Variants in ARHGAP4 observed in about 807,000 individuals in gnomAD.
ARHGAP4 encodes the protein rho GTPase-activating protein 4.
Under a neutral mutation model 67.6 loss-of-function variants are expected in ARHGAP4, and 25 were observed. That is an observed-to-expected ratio of 0.37 (90% confidence interval 0.27 to 0.52). ARHGAP4 has a LOEUF of 0.52. Ranked by LOEUF, ARHGAP4 falls within the 20% of genes least tolerant of loss-of-function variation. The pLI is 0.92. For missense variants in ARHGAP4, 804 were observed against 854.6 expected (o/e 0.94, Z 0.74); for synonymous variants, 448 against 373.7 (o/e 1.20, Z -2.29).
At position 153,921,691 on chromosome X, in the gene ARHGAP4, T is replaced by C; in HGVS notation, c.186A>G (p.Glu62=). Residue 62 remains glutamate, a synonymous_variant, in exon 2 of 22, where the codon GAA becomes GAG. Coordinates refer to ENST00000350060, the MANE Select transcript of ARHGAP4 (RefSeq NM_001666.5). ...CCAGCTTTTCCAGGCCCCGGGAGTA[T>C]TCCAGCTCCACCTCAGCGCGGCGCC... The part of the protein sequence containing the change: ...FMRRRAEVEL[E]YSRGLEKLAE... The C allele has an allele frequency of 8.3e-7, 1 of 1,208,566 alleles. No homozygotes were observed. Among genetic ancestry groups the C allele is most frequent in the Non-Finnish European group, 1.1e-6 (1 of 894,311 alleles).
chrX:153,919,399 G>C lies in ARHGAP4; in HGVS notation c.682-116C>G, dbSNP rs782281552. 4.3e-6 allele frequency: 5 copies of C among 1,166,314 alleles called. No homozygotes were observed. In the South Asian group the frequency reaches 5.7e-5, roughly 13 times the overall value. On this transcript the variant is annotated intron_variant, in intron 5 of 21. Transcript: ENST00000350060. ...ACTGTGGACAACTACACCTGAACTG[G>C]TCAAGCCCAGAAGTCCTGCTGCCTT...
Position 153,907,511 on chromosome X carries a change from C to T in ARHGAP4, c.*218G>A. 2.7e-6 allele frequency: 1 copy of T among 377,001 alleles called. No homozygotes were observed. Among genetic ancestry groups the T allele is most frequent in the East Asian group, 4.2e-5 (1 of 23,595 alleles). The allele number at this position is 377,001 out of a possible 1,213,427, so 31.1% of individuals were successfully genotyped here. On this transcript the variant is annotated 3_prime_UTR_variant, in exon 22 of 22. Transcript: ENST00000350060. Reference sequence around the variant, plus strand: ...AAGAGGGCTTTCCCCAGCATCCTTCCTCAGCTGCCTCCAAAAGGGGCCTGG... The same window carrying T: ...AAGAGGGCTTTCCCCAGCATCCTTCTTCAGCTGCCTCCAAAAGGGGCCTGG...
chrX:153,912,476 C>G (rs1557103491), intron 12 of ARHGAP4, among the ~76,000 whole-genome samples: 2 of 112,266 alleles, frequency 1.8e-5, no homozygotes, highest in African/African-American at 6.5e-5. Flanking sequence ...CCCAGGTTTT[C>G]TATACGTTCC....
At chrX:153,910,656 C>A in intron 15 of ARHGAP4, 44 bp downstream of exon 15, 1 of 1,185,035 alleles carries the variant, frequency 8.4e-7, no homozygotes, top group Non-Finnish European at 1.1e-6. Flanking sequence ...GCGGGGCTGC[C>A]CCAGCAAGTG....
intron 21 of ARHGAP4, 142 bp from the exon 22 acceptor site, chrX:153,908,104 C>T (rs1233166094): frequency 2.6e-6 from 1 of 391,741 alleles, no homozygotes; most frequent in Non-Finnish European, 4.0e-6. Flanking sequence ...CACTCTCCCC[C>T]ACTTTGCACC....
At chrX:153,921,205 C>T (rs1557105226) in intron 3 of ARHGAP4, 46 bp from the exon 4 acceptor site, 6 of 1,182,221 alleles carry the variant, frequency 5.1e-6, no homozygotes, top group Non-Finnish European at 3.4e-6. Flanking sequence ...CAGAGCGGCC[C>T]CGCCAGGCAC....
At position 153,918,933 on chromosome X, in the gene ARHGAP4, C is replaced by A. The variant is rs1557104652; in HGVS notation, c.931G>T (p.Ala311Ser). ...GLGSLEEAVE[A>S]LDPPGDKAKV... ...GCTTTGTCCCCTGGAGGATCCAGGGCCTCCACAGCTTCTTCCAGGCTGCCC... is the reference window on the plus strand; with the variant it reads ...GCTTTGTCCCCTGGAGGATCCAGGGACTCCACAGCTTCTTCCAGGCTGCCC... The change falls in exon 7 of 22, where the codon GCC becomes TCC. Residue 311 changes from alanine to serine, a missense_variant. Ala to Ser is a moderately conservative substitution (Grantham distance 99, BLOSUM62 1). Coordinates refer to ENST00000350060, the MANE Select transcript of ARHGAP4 (RefSeq NM_001666.5). The A allele has an allele frequency of 8.3e-7, 1 of 1,212,098 alleles. No homozygotes were observed. The highest frequency in any genetic ancestry group is 1.7e-5 in the African/African-American group (1 of 57,929).
In ARHGAP4 at chrX:153,910,323, G is replaced by A. The variant is rs782331759; in HGVS notation, c.2004C>T (p.Pro668=). The A allele has an allele frequency of 2.5e-5, 30 of 1,207,952 alleles. No homozygotes were observed. The highest frequency in any genetic ancestry group is 3.0e-5 in the Non-Finnish European group (27 of 894,232). ...GCAGCGCCACCGGGTCCTGCCCAGC[G>A]GGCACCGGTAGCAGCGTGGGCCCGA... ...VCFGPTLLPV[P]AGQDPVALQG... Residue 668 remains proline, a synonymous_variant, in exon 17 of 22, where the codon CCC becomes CCT. Transcript: ENST00000350060.
In ARHGAP4 at chrX:153,918,985, G is replaced by A; in HGVS notation, c.879C>T (p.Arg293=). The A allele has an allele frequency of 8.3e-7, 1 of 1,211,850 alleles. No homozygotes were observed. Among genetic ancestry groups the A allele is most frequent in the East Asian group, 3.0e-5 (1 of 33,832 alleles). ...GGCCCTGCACTTGGGAGGCTTGGGT[G>A]CGGCTCTCAGCGGCCGTGTAGCTCC... The part of the protein sequence containing the change: ...VLRSYTAAES[R]TQASQVQGLG... The change falls in exon 7 of 22, where the codon CGC becomes CGT. Residue 293 remains arginine (R), a synonymous_variant. Coordinates refer to ENST00000350060, the MANE Select transcript of ARHGAP4 (RefSeq NM_001666.5).
At chrX:153,908,943 G>C in intron 21 of ARHGAP4, 127 bp downstream of exon 21, 2 of 669,780 alleles carry the variant, frequency 3.0e-6, no homozygotes, top group Admixed American at 5.2e-5. Flanking sequence ...TCTGGCGGCA[G>C]GTTCCCTTGA....
Position 153,918,846 on chromosome X carries a change from G to A in ARHGAP4, c.1018C>T (p.His340Tyr), listed in dbSNP as rs781948079. The A allele has an allele frequency of 1.7e-6, 2 of 1,210,864 alleles. No homozygotes were observed. Among genetic ancestry groups the A allele is most frequent in the Non-Finnish European group, 2.2e-6 (2 of 895,151 alleles). ...CPPLRFDYHPHDGDEVAEICV... is the reference protein window; with the variant it reads ...CPPLRFDYHPYDGDEVAEICV... ...GTGACCCTCACCTCATCCCCATCAT[G>A]GGGGTGGTAGTCAAAGCGCAGCGGG... is the stretch of plus-strand genomic sequence containing the variant. The change falls in exon 7 of 22, where the codon CAT (histidine) becomes TAT (tyrosine). Residue 340 changes from histidine (H) to tyrosine (Y), a missense_variant. His to Tyr is a moderately conservative substitution (Grantham distance 83, BLOSUM62 2). Around this residue, in one of 2 missense-constraint regions of ARHGAP4, gnomAD observed 404 missense variants for 505.9 expected, o/e 0.80. Coordinates refer to ENST00000350060, the MANE Select transcript of ARHGAP4 (RefSeq NM_001666.5).
Position 153,914,523 on chromosome X carries a change from C to T in ARHGAP4, c.1033-644G>A, listed in dbSNP as rs1041184436. On this transcript the variant is annotated intron_variant, in intron 7 of 21. Transcript: ENST00000350060. The stretch of plus-strand genomic sequence containing the variant: ...CCAGCCTGGCCAACACGGTGAAACC[C>T]TGTCTCCGCTAAAAATACAAAAAAT... Among the ~76,000 whole-genome samples the T allele has an allele frequency of 9.0e-5, 10 of 111,587 alleles. No homozygotes were observed. In the Admixed American group the frequency reaches 9.5e-4, roughly 11 times the overall value.
At chrX:153,926,024 A>T (rs2065125746) in intron 1 of ARHGAP4, 112 bp downstream of exon 1, 1 of 1,035,528 alleles carries the variant, frequency 9.7e-7, no homozygotes. Flanking sequence ...CCCGCTCCAG[A>T]GGTCGCTGGG....
intron 1 of ARHGAP4, chrX:153,922,381 G>A: frequency 4.0e-6 from 3 of 756,468 alleles, no homozygotes; most frequent in Non-Finnish European, 4.7e-6. Context: ...GCCAGGGAGA[G>A]CTGATCCGGC....
chrX:153,910,895 A>ACCCC, intron 14 of ARHGAP4, 27 bp downstream of exon 14: 2 of 472,485 alleles, frequency 4.2e-6, no homozygotes, highest in Admixed American at 5.5e-5. Flanking sequence ...CCGAGCCCCC[A>ACCCC]CCCCCGCCCG....
At position 153,913,474 on chromosome X, in the gene ARHGAP4, G is replaced by A; in HGVS notation, c.1261C>T (p.Pro421Ser). The A allele has an allele frequency of 8.3e-7, 1 of 1,211,957 alleles. No homozygotes were observed. Among genetic ancestry groups the A allele is most frequent in the South Asian group, 1.8e-5 (1 of 57,016 alleles). Reference sequence around the variant, plus strand: ...CTCCGGCCCGCCTGCCGGCTGCCTGGGTCTGAGCTGGTGGACTTGAGGGAC... The same window carrying A: ...CTCCGGCCCGCCTGCCGGCTGCCTGAGTCTGAGCTGGTGGACTTGAGGGAC... ...TESLKSTSSDPGSRQAGRRRG... is the reference protein window; with the variant it reads ...TESLKSTSSDSGSRQAGRRRG... The change falls in exon 9 of 22, where the codon CCA (proline) becomes TCA (serine). Residue 421 changes from proline to serine, a missense_variant. Physicochemically the swap from Pro to Ser is moderately conservative, Grantham distance 74 (BLOSUM62 -1). Coordinates refer to ENST00000350060, the MANE Select transcript of ARHGAP4 (RefSeq NM_001666.5).
At chrX:153,912,385 T>C (rs940154346) in intron 12 of ARHGAP4, among the ~76,000 whole-genome samples, 4 of 111,788 alleles carry the variant, frequency 3.6e-5, no homozygotes, top group Admixed American at 1.9e-4. Context: ...CTTATTTCAC[T>C]GTCCAGGACC....
chrX:153,908,051 A>T, intron 21 of ARHGAP4, 89 bp from the exon 22 acceptor site: 1 of 837,558 alleles, frequency 1.2e-6, no homozygotes, highest in Non-Finnish European at 1.6e-6. Flanking sequence ...CCACTCCCAA[A>T]GCAAGCCCTC....
chrX:153,922,028 G>T lies in ARHGAP4; in HGVS notation c.68-219C>A. The T allele has an allele frequency of 6.4e-6, 6 of 934,215 alleles. No homozygotes were observed. In the South Asian group the frequency reaches 1.7e-4, roughly 26 times the overall value. The allele number at this position is 934,215 out of a possible 1,213,427, so 77.0% of individuals were successfully genotyped here. Reference sequence around the variant, plus strand: ...CCTCAGCTGTCCAGCCGACCTCTGCGCTGAGGCCAACAGATGGCCAGAGCC... The same window carrying T: ...CCTCAGCTGTCCAGCCGACCTCTGCTCTGAGGCCAACAGATGGCCAGAGCC... On this transcript the variant is annotated intron_variant, in intron 1 of 21. Coordinates refer to ENST00000350060, the MANE Select transcript of ARHGAP4 (RefSeq NM_001666.5).
Sources: allele counts gnomAD v4.1 joint callset (sites outside exome capture counted in the v4.1 genomes callset), GRCh38; gene constraint gnomAD v4.1.1; regional missense constraint gnomAD v4.1.1; transcripts MANE v1.5; gene names NCBI Gene and HGNC (gene_info 2026-07-23, HGNC 2026-07-21).